The following SEMA3A variants were observed in gnomAD, a reference collection of about 807,000 sequenced individuals.
SEMA3A encodes the protein semaphorin 3A.
Under a neutral mutation model 97.9 loss-of-function variants are expected in SEMA3A, and 29 were observed. The ratio of observed to expected loss-of-function variants is 0.30; its 90% CI spans 0.22 to 0.40. The LOEUF (loss-of-function observed/expected upper bound fraction) is 0.40. SEMA3A is among the 10% of genes least tolerant of loss of function. The pLI is 1.00. For missense variants in SEMA3A, 763 were observed against 951.3 expected, an observed-to-expected ratio of 0.80 and a Z score of 2.60; for synonymous variants, 321 against 323.7, an observed-to-expected ratio of 0.99 and a Z score of 0.09.
intron 1 of SEMA3A, among the ~76,000 whole-genome samples, chr7:84,408,347 C>G (rs1804161931): frequency 6.6e-6 from 1 of 152,040 alleles, no homozygotes; most frequent in African/African-American, 2.4e-5. Flanking sequence ...AATGAGATAT[C>G]ATCTCACACC....
chr7:84,065,742 G>T (rs1007569895), intron 4 of SEMA3A, among the ~76,000 whole-genome samples: 4 of 152,080 alleles, frequency 2.6e-5, no homozygotes, highest in African/African-American at 9.7e-5. Context: ...TCTCTGAGTA[G>T]ACCAATAACA....
At chr7:84,397,353 C>G (rs1443058232) in intron 1 of SEMA3A, among the ~76,000 whole-genome samples, 1 of 149,698 alleles carries the variant, frequency 6.7e-6, no homozygotes, top group Non-Finnish European at 1.5e-5. Context: ...TTTAATGTTT[C>G]TCAAATCTAT....
intron 1 of SEMA3A, among the ~76,000 whole-genome samples, chr7:84,396,414 A>G (rs1299987420): frequency 6.6e-6 from 1 of 151,946 alleles, no homozygotes; most frequent in East Asian, 1.9e-4. Context: ...CCTCAGTGAC[A>G]AAGAGAATGT....
chr7:83,989,799 G>C (rs912665162), intron 12 of SEMA3A, among the ~76,000 whole-genome samples: 3 of 149,304 alleles, frequency 2.0e-5, no homozygotes, highest in Non-Finnish European at 3.0e-5. Flanking sequence ...TGTCTTTATA[G>C]CAGCATGATT....
chr7:84,452,635 A>G (rs1450148537), intron 1 of SEMA3A, among the ~76,000 whole-genome samples: 2 of 152,196 alleles, frequency 1.3e-5, no homozygotes, highest in Non-Finnish European at 2.9e-5. Context: ...AAATAGTTTT[A>G]AAAGAGTTTA....
At chr7:84,231,684 C>A (rs528074936) in intron 3 of SEMA3A, among the ~76,000 whole-genome samples, 8 of 151,820 alleles carry the variant, frequency 5.3e-5, no homozygotes, top group African/African-American at 1.9e-4. Flanking sequence ...ACTTTTGAGG[C>A]CAGAAGGGAA....
chr7:84,358,568 C>T (rs1385353808), intron 2 of SEMA3A, among the ~76,000 whole-genome samples: 2 of 152,048 alleles, frequency 1.3e-5, no homozygotes, highest in Admixed American at 6.6e-5. Flanking sequence ...AGTCAGGTAG[C>T]ATGATGCCTC....
At chr7:84,376,603 CAAAAAAAAAAAAAAAAA>C (rs60380985) in intron 1 of SEMA3A, among the ~76,000 whole-genome samples, 2 of 36,434 alleles carry the variant, frequency 5.5e-5, no homozygotes, top group African/African-American at 9.9e-5. Flanking sequence ...GACTCCGTCT[CAAAAAAAAAAAAAAAAA>C]AAAAAAAAAA....
In SEMA3A at chr7:84,331,286, T is replaced by A. The variant is rs76822483; in HGVS notation, c.-168-23994A>T. On this transcript the variant is annotated intron_variant, in intron 2 of 3. Transcript: ENST00000424555. ...GAATTTTTGGCTTTCTTCCAAAGAT[T>A]TTTTAGCTTGAAATCAAGGCTTAAT... Among the ~76,000 whole-genome samples the A allele has an allele frequency of 5.8e-3, 881 of 152,220 alleles. 12 individuals are homozygous for A. The highest frequency in any genetic ancestry group is 0.02 in the African/African-American group (843 of 41,556).
intron 1 of SEMA3A, among the ~76,000 whole-genome samples, chr7:84,405,168 C>G (rs139340800): frequency 0.016 from 2,367 of 151,898 alleles, 67 homozygotes; most frequent in African/African-American, 0.054. Flanking sequence ...TGCAGAGACA[C>G]ACATAGGCTC....
chr7:84,043,402 G>A (rs1433533545), intron 6 of SEMA3A, among the ~76,000 whole-genome samples: 1 of 151,912 alleles, frequency 6.6e-6, no homozygotes, highest in Non-Finnish European at 1.5e-5. Flanking sequence ...TCCTTACCAG[G>A]AACAAAAATT....
rs1000579966 is a variant in SEMA3A, at chr7:84,484,819, T to G, written c.-246+7641A>C. Among the ~76,000 whole-genome samples the G allele has an allele frequency of 2.6e-5, 4 of 152,160 alleles. No homozygotes were observed. In the East Asian group the frequency reaches 7.7e-4, roughly 29 times the overall value. On this transcript the variant is annotated intron_variant, in intron 1 of 3. Transcript: ENST00000424555. ...ACTCATATAAATAAAGTATGAATGC[T>G]CATCCTTAAGGATCATAATATATTG...
chr7:84,427,683 TA>T (rs71523734), intron 1 of SEMA3A, among the ~76,000 whole-genome samples: 24,706 of 144,546 alleles, frequency 0.17, 2,314 homozygotes, highest in Middle Eastern at 0.22. Context: ...TATTCACTCA[TA>T]TGTAACAATT....
intron 4 of SEMA3A, among the ~76,000 whole-genome samples, chr7:84,105,836 C>T (rs777285740): frequency 6.6e-6 from 1 of 152,164 alleles, no homozygotes; most frequent in Non-Finnish European, 1.5e-5. Context: ...AAACTCCAAA[C>T]TCATGTGTAC....
chr7:84,002,396 A>C (rs921020753), intron 11 of SEMA3A, among the ~76,000 whole-genome samples: 1 of 152,196 alleles, frequency 6.6e-6, no homozygotes, highest in East Asian at 1.9e-4. Flanking sequence ...ATTATTTCTA[A>C]AAATATCTCC....
At chr7:84,178,451 A>G (rs1797642042) in intron 1 of SEMA3A, among the ~76,000 whole-genome samples, 1 of 151,998 alleles carries the variant, frequency 6.6e-6, no homozygotes, top group South Asian at 2.1e-4. Context: ...ACAACAATCC[A>G]AAAGAGGTAG....
chr7:84,133,212 T>A, intron 2 of SEMA3A, among the ~76,000 whole-genome samples: 1 of 152,200 alleles, frequency 6.6e-6, no homozygotes, highest in Admixed American at 6.5e-5. Flanking sequence ...ATTTTTAAAG[T>A]TGGCATATCA....
At chr7:84,060,797 T>C (rs1334837421) in intron 4 of SEMA3A, among the ~76,000 whole-genome samples, 2 of 152,198 alleles carry the variant, frequency 1.3e-5, no homozygotes, top group African/African-American at 4.8e-5. Flanking sequence ...CAAACAATAA[T>C]GTGTAAATAA....
intron 1 of SEMA3A, among the ~76,000 whole-genome samples, chr7:84,168,333 C>T (rs775153710): frequency 2.6e-5 from 4 of 151,916 alleles, no homozygotes; most frequent in South Asian, 2.1e-4. Flanking sequence ...ATTTATGATG[C>T]GTTAATAAAC....
Sources: gnomAD v4.1 joint callset for allele counts (sites outside exome capture counted in the v4.1 genomes callset) on GRCh38, gnomAD v4.1.1 for gene constraint, MANE v1.5 for transcripts, NCBI Gene and HGNC (gene_info 2026-07-23, HGNC 2026-07-21) for gene names.